Variants in PCDH9 observed in about 807,000 individuals in gnomAD.
PCDH9 encodes the protein protocadherin-9.
Under a neutral mutation model 70.6 loss-of-function variants are expected in PCDH9, and 24 were observed. The ratio of observed to expected loss-of-function variants is 0.34; its 90% confidence interval spans 0.25 to 0.48. The LOEUF is 0.48. Ranked by LOEUF, PCDH9 falls within the 20% of genes least tolerant of loss-of-function variation. The pLI, the probability that PCDH9 is intolerant of heterozygous loss-of-function variation, is 0.99. For synonymous variants in PCDH9, 562 were observed against 558.5 expected (o/e 1.01, Z -0.09); for missense variants, 1,281 against 1,503.6 (o/e 0.85, Z 2.45).
chr13:66,359,757 G>T (rs556681144), intron 4 of PCDH9, among the ~76,000 whole-genome samples: 1 of 152,006 alleles, frequency 6.6e-6, no homozygotes, highest in Middle Eastern at 3.4e-3. Context: ...GGAAACAAAG[G>T]GCCGTCTTTA....
chr13:67,193,190 G>A (rs775039190), intron 2 of PCDH9, among the ~76,000 whole-genome samples: 55 of 152,032 alleles, frequency 3.6e-4, no homozygotes, highest in Non-Finnish European at 6.5e-4. Flanking sequence ...AATTTCCTCA[G>A]CCTAGTGAAA....
At chr13:66,409,540 T>A (rs1028326823) in intron 4 of PCDH9, among the ~76,000 whole-genome samples, 18 of 149,190 alleles carry the variant, frequency 1.2e-4, no homozygotes, top group African/African-American at 4.4e-4. Context: ...TATTACAAAT[T>A]CTCCGACTTA....
chr13:66,635,306 C>T (rs540583404), intron 3 of PCDH9, among the ~76,000 whole-genome samples: 3 of 152,268 alleles, frequency 2.0e-5, no homozygotes, highest in Non-Finnish European at 4.4e-5. Flanking sequence ...CCTGATTTAT[C>T]ATTGACAGGT....
chr13:66,628,584 C>G (rs2077528745), intron 4 of PCDH9, among the ~76,000 whole-genome samples: 1 of 152,122 alleles, frequency 6.6e-6, no homozygotes, highest in African/African-American at 2.4e-5. Context: ...TCACTGCTGC[C>G]CAGACTCCTG....
chr13:66,723,840 A>C (rs564321889), intron 3 of PCDH9, among the ~76,000 whole-genome samples: 16 of 152,236 alleles, frequency 1.1e-4, no homozygotes, highest in Non-Finnish European at 2.2e-4. Flanking sequence ...ACCAAGGAGC[A>C]ATGGTAAAAG....
At chr13:66,376,487 CATT>C (rs1431169284) in intron 4 of PCDH9, among the ~76,000 whole-genome samples, 4 of 151,944 alleles carry the variant, frequency 2.6e-5, no homozygotes, top group African/African-American at 9.7e-5. Context: ...TTTTATGCAT[CATT>C]AATATTGACT....
intron 3 of PCDH9, among the ~76,000 whole-genome samples, chr13:66,808,346 G>A (rs917885826): frequency 6.6e-6 from 1 of 151,776 alleles, no homozygotes; most frequent in African/African-American, 2.4e-5. Flanking sequence ...CCAGATAAAA[G>A]GTTTATAAAA....
intron 3 of PCDH9, among the ~76,000 whole-genome samples, chr13:66,822,163 T>TC (rs1397719338): frequency 1.9e-4 from 23 of 120,242 alleles, no homozygotes; most frequent in African/African-American, 6.8e-4. Context: ...CACACACTCA[T>TC]ATATAGACAT....
intron 2 of PCDH9, among the ~76,000 whole-genome samples, chr13:67,067,174 T>A (rs1447732669): frequency 6.6e-6 from 1 of 152,156 alleles, no homozygotes; most frequent in Non-Finnish European, 1.5e-5. Context: ...TTCCTTCAAT[T>A]TAATTGTGGG....
chr13:66,786,675 C>G (rs1412144026), intron 3 of PCDH9, among the ~76,000 whole-genome samples: 2 of 152,156 alleles, frequency 1.3e-5, no homozygotes, highest in Non-Finnish European at 2.9e-5. Context: ...CTGTACTACC[C>G]TGCAAGAAGG....
chr13:67,112,905 AT>A (rs1458326051), intron 2 of PCDH9, among the ~76,000 whole-genome samples: 2 of 150,702 alleles, frequency 1.3e-5, no homozygotes, highest in African/African-American at 5.0e-5. Context: ...ATTTTTTGTT[AT>A]TTTTTGTAGA....
At chr13:66,392,685 T>C (rs1474536801) in intron 4 of PCDH9, among the ~76,000 whole-genome samples, 1 of 152,180 alleles carries the variant, frequency 6.6e-6, no homozygotes, top group African/African-American at 2.4e-5. Context: ...TGGCTTGAAT[T>C]GCACTCTCAT....
chr13:66,919,003 G>A (rs1050590021), intron 2 of PCDH9, among the ~76,000 whole-genome samples: 1 of 151,028 alleles, frequency 6.6e-6, no homozygotes, highest in Non-Finnish European at 1.5e-5. Context: ...TTTTCTTCCA[G>A]AATGCTAATC....
intron 2 of PCDH9, among the ~76,000 whole-genome samples, chr13:67,092,210 T>G (rs2138214106): frequency 6.6e-6 from 1 of 152,274 alleles, no homozygotes; most frequent in African/African-American, 2.4e-5. Context: ...TTAAATTTCT[T>G]TATATCTATA....
chr13:67,111,876 T>C (rs946798682), intron 2 of PCDH9, among the ~76,000 whole-genome samples: 1 of 152,210 alleles, frequency 6.6e-6, no homozygotes, highest in African/African-American at 2.4e-5. Context: ...AGTTATTAAT[T>C]TCATATAATT....
At chr13:66,664,322 A>G (rs1276368190) in intron 3 of PCDH9, among the ~76,000 whole-genome samples, 1 of 152,224 alleles carries the variant, frequency 6.6e-6, no homozygotes, top group Non-Finnish European at 1.5e-5. Flanking sequence ...TAGCAATGTC[A>G]TCAGGTTAAG....
chr13:66,828,810 A>AAAAAAAAAAAAAAAAAT (rs71207607), intron 3 of PCDH9, among the ~76,000 whole-genome samples: 9 of 148,606 alleles, frequency 6.1e-5, no homozygotes, highest in African/African-American at 2.2e-4. Context: ...GCCATACATA[A>AAAAAAAAAAAAAAAAAT]AATAATAATA....
chr13:66,744,777 T>C (rs1192308662), intron 3 of PCDH9, among the ~76,000 whole-genome samples: 2 of 152,156 alleles, frequency 1.3e-5, no homozygotes, highest in African/African-American at 4.8e-5. Flanking sequence ...CGGTTTCTGG[T>C]CCCAGCTGGC....
At chr13:66,911,508 T>A (rs1272826839) in intron 2 of PCDH9, among the ~76,000 whole-genome samples, 1 of 152,216 alleles carries the variant, frequency 6.6e-6, no homozygotes, top group Non-Finnish European at 1.5e-5. Context: ...ATGTCACTTT[T>A]TCTTTAAATG....
Sources: gnomAD v4.1 joint callset for allele counts (sites outside exome capture counted in the v4.1 genomes callset) on GRCh38, gnomAD v4.1.1 for gene constraint, MANE v1.5 for transcripts, NCBI Gene and HGNC (gene_info 2026-07-23, HGNC 2026-07-21) for gene names.